FBRSL1: variants seen among roughly 807,000 people sequenced by gnomAD.
FBRSL1 encodes fibrosin like 1.
In FBRSL1, 51 loss-of-function variants were observed where a neutral mutation model predicts 89.6. That is an observed-to-expected ratio of 0.57 (90% CI 0.45 to 0.72). The LOEUF (loss-of-function observed/expected upper bound fraction) is 0.72. FBRSL1 is among the 30% of genes least tolerant of loss of function. FBRSL1 has a pLI of 0.00. For synonymous variants in FBRSL1, 779 were observed against 681.1 expected, an observed-to-expected ratio of 1.14 and a Z score of -2.24; for missense variants, 1,618 against 1,451.8, an observed-to-expected ratio of 1.11 and a Z score of -1.86.
chr12:132,544,674 TG>T (rs1279213079), intron 4 of FBRSL1, among the ~76,000 whole-genome samples: 1 of 151,712 alleles, frequency 6.6e-6, no homozygotes, highest in Non-Finnish European at 1.5e-5. Context: ...ATGATCATGG[TG>T]GTGGTAATGA....
Position 132,574,192 on chromosome 12 carries a change from G to A in FBRSL1, c.1599+34G>A, listed in dbSNP as rs1249364869. On this transcript the variant is annotated intron_variant, in intron 12 of 18. Transcript: ENST00000680143. ...TAGTGGGCGCCCGTCCCCACCCCGG[G>A]GGATGGCCTGCCCCGGCCGGGCCCT... is the stretch of plus-strand genomic sequence containing the variant. 64 of 1,429,740 alleles carry A rather than the reference G, an allele frequency of 4.5e-5. No individual in the cohort carries two copies. The Admixed American group carries it at 1.7e-3, about 37-fold the overall frequency. 88.6% of individuals were successfully genotyped at this position (1,429,740 alleles called of 1,614,324 possible). A position where few individuals can be genotyped will look rare whatever the true frequency, so the allele number is the denominator to read the frequency against.
chr12:132,495,458 G>A (rs2031858115), intron 1 of FBRSL1, among the ~76,000 whole-genome samples: 1 of 152,248 alleles, frequency 6.6e-6, no homozygotes, highest in African/African-American at 2.4e-5. Flanking sequence ...TCTCTCAGAT[G>A]GTGGTGGGGG....
At chr12:132,543,284 G>A (rs1422359960) in intron 4 of FBRSL1, among the ~76,000 whole-genome samples, 1 of 152,238 alleles carries the variant, frequency 6.6e-6, no homozygotes, top group African/African-American at 2.4e-5. Flanking sequence ...CAGGCTCGGA[G>A]AAACGAAGAG....
intron 4 of FBRSL1, among the ~76,000 whole-genome samples, chr12:132,544,515 C>T (rs902057256): frequency 6.6e-6 from 1 of 152,176 alleles, no homozygotes; most frequent in East Asian, 1.9e-4. Context: ...GGCATCTTCT[C>T]GTTCTTGGCT....
rs1001941282 is a variant in FBRSL1, at chr12:132,571,184, G to A, written c.1330G>A (p.Val444Met). 23 of 1,432,178 alleles carry A rather than the reference G, an allele frequency of 1.6e-5. No individual in the cohort carries two copies. Among genetic ancestry groups the A allele is most frequent in the African/African-American group, 1.3e-4 (9 of 69,454 alleles). 88.7% of individuals were successfully genotyped at this position (1,432,178 alleles called of 1,614,324 possible). A position where few individuals can be genotyped will look rare whatever the true frequency, so the allele number is the denominator to read the frequency against. ...CTTACCTGCACCCCTGGGCCCGCAC[G>A]TGGCGAGCGGCCACCCCGGCTTGGC... is the stretch of plus-strand genomic sequence containing the variant. ...PLLPAPLGPH[V>M]ASGHPGLACR... The change falls in exon 9 of 19, where the codon GTG (valine) becomes ATG (methionine). Residue 444 changes from valine (V) to methionine (M), a missense_variant. Coordinates refer to ENST00000680143, the MANE Select transcript of FBRSL1 (RefSeq NM_001367871.1).
chr12:132,503,564 G>C (rs926342838), intron 1 of FBRSL1, among the ~76,000 whole-genome samples: 8 of 152,242 alleles, frequency 5.3e-5, no homozygotes, highest in African/African-American at 1.9e-4. Context: ...CGCAGCTGGA[G>C]GGGTAATTAG....
At chr12:132,571,280 C>T (rs1238527146) in intron 9 of FBRSL1, 49 bp downstream of exon 9, 7 of 1,503,630 alleles carry the variant, frequency 4.7e-6, no homozygotes, top group South Asian at 2.5e-5. Context: ...ACGTGCCTCT[C>T]TGTCTCTCTC....
At chr12:132,493,916 G>A (rs972445276) in intron 1 of FBRSL1, among the ~76,000 whole-genome samples, 1 of 152,232 alleles carries the variant, frequency 6.6e-6, no homozygotes, top group African/African-American at 2.4e-5. Context: ...CTGGCTCAGG[G>A]TGTGCCTGCA....
At chr12:132,526,090 G>C (rs1348999661) in intron 3 of FBRSL1, among the ~76,000 whole-genome samples, 2 of 152,384 alleles carry the variant, frequency 1.3e-5, no homozygotes, top group African/African-American at 4.8e-5. Context: ...TACTCATTAG[G>C]ACTTTCCCAT....
chr12:132,578,325 A>G (rs1432476717), intron 15 of FBRSL1, among the ~76,000 whole-genome samples: 1 of 146,168 alleles, frequency 6.8e-6, no homozygotes, highest in Non-Finnish European at 1.5e-5. Context: ...AGCCTGGGCA[A>G]CAGAGCAAGA....
At chr12:132,562,826 G>T (rs1040464235) in intron 5 of FBRSL1, among the ~76,000 whole-genome samples, 2 of 152,126 alleles carry the variant, frequency 1.3e-5, no homozygotes, top group African/African-American at 4.8e-5. Context: ...CCCTTGCGAC[G>T]TGACTAGGAA....
intron 4 of FBRSL1, among the ~76,000 whole-genome samples, chr12:132,540,716 T>C (rs2037187143): frequency 6.6e-6 from 1 of 151,940 alleles, no homozygotes; most frequent in Non-Finnish European, 1.5e-5. Context: ...GGAACCAGGC[T>C]CCAGGGCAAG....
chr12:132,497,899 C>T (rs1190744523), intron 1 of FBRSL1, among the ~76,000 whole-genome samples: 1 of 152,332 alleles, frequency 6.6e-6, no homozygotes, highest in East Asian at 1.9e-4. Context: ...GTTTGTGCCA[C>T]GCATGTGCCT....
Position 132,583,010 on chromosome 12 carries a change from G to C in FBRSL1, c.2241G>C (p.Ser747=), listed in dbSNP as rs1340102594. Reference sequence around the variant, plus strand: ...AGACGCGCCTGCTGAGCCGGGCCTCGCCCGCCACCCCCGCTGGCCACCCCG... The same window carrying C: ...AGACGCGCCTGCTGAGCCGGGCCTCCCCCGCCACCCCCGCTGGCCACCCCG... ...LEKTRLLSRA[S]PATPAGHPVS... The change falls in exon 19 of 19, where the codon TCG becomes TCC. Residue 747 remains serine, a synonymous_variant. Coordinates refer to ENST00000680143, the MANE Select transcript of FBRSL1 (RefSeq NM_001367871.1). 3 of 1,455,200 alleles carry C rather than the reference G, an allele frequency of 2.1e-6. No individual in the cohort carries two copies. Among genetic ancestry groups the C allele is most frequent in the Non-Finnish European group, 2.7e-6 (3 of 1,111,290 alleles). The allele number at this position is 1,455,200 out of a possible 1,614,324, so 90.1% of individuals were successfully genotyped here.
intron 15 of FBRSL1, among the ~76,000 whole-genome samples, chr12:132,577,709 C>T (rs958940656): frequency 2.6e-5 from 4 of 152,040 alleles, no homozygotes; most frequent in Admixed American, 6.5e-5. Flanking sequence ...CGCAGAGGCA[C>T]GAAGACTCTG....
intron 6 of FBRSL1, among the ~76,000 whole-genome samples, chr12:132,568,526 C>T (rs1314741480): frequency 1.3e-5 from 2 of 152,268 alleles, no homozygotes; most frequent in African/African-American, 4.8e-5. Context: ...ATACTCAGCT[C>T]ACTGCCGCGG....
intron 4 of FBRSL1, 48 bp downstream of exon 4, chr12:132,528,036 A>G (rs1326783361): frequency 2.0e-6 from 3 of 1,509,956 alleles, no homozygotes; most frequent in Middle Eastern, 1.7e-4. Flanking sequence ...CTGGGGCCTT[A>G]GGACCAGGTC....
At chr12:132,492,960 T>G (rs1467465109) in intron 1 of FBRSL1, among the ~76,000 whole-genome samples, 1 of 152,250 alleles carries the variant, frequency 6.6e-6, no homozygotes, top group Non-Finnish European at 1.5e-5. Flanking sequence ...TAGTAGTGAC[T>G]GGTTCAGTAA....
At chr12:132,558,661 C>T (rs985834214) in intron 5 of FBRSL1, among the ~76,000 whole-genome samples, 1 of 152,236 alleles carries the variant, frequency 6.6e-6, no homozygotes, top group Non-Finnish European at 1.5e-5. Flanking sequence ...CGAACGTTGG[C>T]GCCTTTGGGA....
Sources: allele counts gnomAD v4.1 joint callset (sites outside exome capture counted in the v4.1 genomes callset), GRCh38; gene constraint gnomAD v4.1.1; transcripts MANE v1.5; gene names NCBI Gene and HGNC (gene_info 2026-07-23, HGNC 2026-07-21).